AGAP1: variants seen among roughly 807,000 people sequenced by gnomAD.
The protein encoded by AGAP1 is arf-GAP with GTPase, ANK repeat and PH domain-containing protein 1.
Under a neutral mutation model 105.3 loss-of-function variants are expected in AGAP1, and 29 were observed. The observed-to-expected ratio is 0.28, with a 90% CI of 0.21 to 0.38. AGAP1 has a LOEUF of 0.38. Ranked by LOEUF, AGAP1 falls within the 10% of genes least tolerant of loss-of-function variation. The probability of loss-of-function intolerance (pLI) is 1.00; values close to 1 mark genes in which losing one functional copy is unlikely to be tolerated. For synonymous variants in AGAP1, 509 were observed against 485.9 expected (o/e 1.05, Z -0.63); for missense variants, 998 against 1,165.1 (o/e 0.86, Z 2.09).
chr2:235,975,740 T>G (rs2054833174), intron 13 of AGAP1, among the ~76,000 whole-genome samples: 1 of 152,216 alleles, frequency 6.6e-6, no homozygotes, highest in Non-Finnish European at 1.5e-5. Context: ...ACTGTCATTC[T>G]TCCCTCAGGT....
chr2:235,696,808 A>G (rs1327085870), intron 1 of AGAP1, among the ~76,000 whole-genome samples: 1 of 151,724 alleles, frequency 6.6e-6, no homozygotes, highest in African/African-American at 2.4e-5. Flanking sequence ...ACACAGTGAA[A>G]CCCCGTCTCT....
At chr2:235,794,878 C>T (rs1957171617) in intron 6 of AGAP1, among the ~76,000 whole-genome samples, 1 of 152,168 alleles carries the variant, frequency 6.6e-6, no homozygotes, top group South Asian at 2.1e-4. Context: ...CACACATTTA[C>T]ATTGAACATA....
In AGAP1 at chr2:235,900,281, A is replaced by C. The variant is rs2051004486; in HGVS notation, c.1156-8457A>C. 6.6e-6 allele frequency among the ~76,000 whole-genome samples: 1 copy of C among 152,196 alleles called. No homozygotes were observed. The highest frequency in any genetic ancestry group is 1.5e-5 in the Non-Finnish European group (1 of 68,046). On this transcript the variant is annotated intron_variant, in intron 10 of 17. Transcript: ENST00000304032. This position sits in a 1 kb window ranked among gnomAD's most constrained non-coding sequence, Gnocchi z 5.5. ...TGATTTCATCTTGATAGTCTGGGTC[A>C]GTCACTCCAGCCAACACTGTAACTT...
intron 1 of AGAP1, among the ~76,000 whole-genome samples, chr2:235,595,189 G>T (rs1432786802): frequency 6.6e-6 from 1 of 152,176 alleles, no homozygotes; most frequent in African/African-American, 2.4e-5. Flanking sequence ...GCCTCCAGGG[G>T]AAGGGGAGGA....
At chr2:235,619,318 T>TG (rs923446810) in intron 1 of AGAP1, among the ~76,000 whole-genome samples, 2 of 150,962 alleles carry the variant, frequency 1.3e-5, no homozygotes, top group Non-Finnish European at 3.0e-5. Context: ...CATCATGAAG[T>TG]GGGGGAGCTG....
chr2:236,049,875 A>G (rs2057844925), intron 16 of AGAP1: 1 of 152,600 alleles, frequency 6.6e-6, no homozygotes, highest in African/African-American at 2.4e-5. Flanking sequence ...TACAGCTATT[A>G]TAAACTGTTT....
intron 16 of AGAP1, among the ~76,000 whole-genome samples, chr2:236,088,764 A>G (rs1480216217): frequency 1.3e-5 from 2 of 152,220 alleles, no homozygotes; most frequent in African/African-American, 4.8e-5. Context: ...TTTATGCCAC[A>G]ATTGTAGCCC....
chr2:235,724,784 G>A lies in AGAP1; in HGVS notation c.310+7140G>A, dbSNP rs758161058. 3.4e-5 allele frequency among the ~76,000 whole-genome samples: 5 copies of A among 146,678 alleles called. No homozygotes were observed. The highest frequency in any genetic ancestry group is 7.6e-5 in the Non-Finnish European group (5 of 65,498). ...GACAGTTCCCTAACTCAGGAAAGTC[G>A]AGTTTCTGAGCATAAGTCATAGGAA... On this transcript the variant is annotated intron_variant, in intron 3 of 17. Coordinates refer to ENST00000304032, the MANE Select transcript of AGAP1 (RefSeq NM_001037131.3). This position sits in a 1 kb window ranked among gnomAD's most constrained non-coding sequence, Gnocchi z 4.9.
chr2:235,544,273 G>A (rs930144616), intron 1 of AGAP1, among the ~76,000 whole-genome samples: 3 of 152,136 alleles, frequency 2.0e-5, no homozygotes, highest in African/African-American at 7.2e-5. Flanking sequence ...TGGCAGGAAC[G>A]GAGCCAGCAG....
intron 1 of AGAP1, among the ~76,000 whole-genome samples, chr2:235,618,860 A>G (rs940933795): frequency 2.0e-5 from 3 of 152,196 alleles, no homozygotes; most frequent in African/African-American, 7.2e-5. Context: ...TTGGCAAAAG[A>G]AATTAAGTTA....
At chr2:235,844,908 T>C (rs1961296307) in intron 9 of AGAP1, among the ~76,000 whole-genome samples, 1 of 152,136 alleles carries the variant, frequency 6.6e-6, no homozygotes, top group Non-Finnish European at 1.5e-5. Flanking sequence ...AAGACAAACA[T>C]TGTAGCACCC....
At chr2:235,718,198 C>T (rs754089586) in intron 3 of AGAP1, among the ~76,000 whole-genome samples, 1 of 151,770 alleles carries the variant, frequency 6.6e-6, no homozygotes, top group Non-Finnish European at 1.5e-5. Flanking sequence ...TTATTTTTTG[C>T]CTTAAATAAA....
chr2:235,573,033 CTTCTTCTTCTTCTTCTTCTTCTTCTTCT>C (rs1354076177), intron 1 of AGAP1, among the ~76,000 whole-genome samples: 820 of 21,992 alleles, frequency 0.037, 2 homozygotes, highest in Admixed American at 0.062. Context: ...TCTTCTTCTT[CTTCTTCTTCTTCTTCTTCTTCTTCTTCT>C]TTCTTCTTTC....
chr2:235,575,868 CATTGA>C (rs1944715646), intron 1 of AGAP1, among the ~76,000 whole-genome samples: 1 of 152,098 alleles, frequency 6.6e-6, no homozygotes, highest in Non-Finnish European at 1.5e-5. Flanking sequence ...AGTCTGTCTC[CATTGA>C]ATTGTCTGCT....
intron 1 of AGAP1, among the ~76,000 whole-genome samples, chr2:235,698,311 G>A (rs898616988): frequency 6.6e-6 from 1 of 152,142 alleles, no homozygotes; most frequent in Non-Finnish European, 1.5e-5. Context: ...CAGCTGTGTG[G>A]CCCTGTTCCC....
At position 236,120,500 on chromosome 2, in the gene AGAP1, C is replaced by T; in HGVS notation, c.2370+53C>T. ...ACGGGGCCACAGGAGGCACTCTCTG[C>T]TTTGTTCTGCTTCCGTGGGCATCTT... On this transcript the variant is annotated intron_variant, in intron 17 of 17. Transcript: ENST00000304032. The surrounding 1 kb of genome is among the most constrained non-coding windows in gnomAD (Gnocchi z 6.0). The T allele has an allele frequency of 6.2e-7, 1 of 1,601,020 alleles. No individual in the cohort carries two copies.
At chr2:235,522,687 G>A (rs1331770297) in intron 1 of AGAP1, among the ~76,000 whole-genome samples, 2 of 152,218 alleles carry the variant, frequency 1.3e-5, no homozygotes, top group Non-Finnish European at 2.9e-5. Flanking sequence ...GAGGCTGAAA[G>A]TTGTGTGAAG....
chr2:235,822,819 C>A (rs919737544), intron 9 of AGAP1, among the ~76,000 whole-genome samples: 1 of 152,180 alleles, frequency 6.6e-6, no homozygotes, highest in Admixed American at 6.5e-5. Context: ...AGTTCTAGAA[C>A]TGAACAAGAG....
At position 235,889,289 on chromosome 2, in the gene AGAP1, A is replaced by C. The variant is rs10192764; in HGVS notation, c.1155+5840A>C. ...AAGCAGCCAGTCATGAAACTGGGGA[A>C]ACCTGACATTGCAGGACACCGTGGG... On this transcript the variant is annotated intron_variant, in intron 10 of 17. Transcript: ENST00000304032. This position sits in a 1 kb window ranked among gnomAD's most constrained non-coding sequence, Gnocchi z 4.6. 0.43 allele frequency among the ~76,000 whole-genome samples: 65,414 copies of C among 151,628 alleles called. 14,443 individuals carry two copies. The highest frequency in any genetic ancestry group is 0.73 in the South Asian group (3,512 of 4,798).
Sources: allele counts gnomAD v4.1 joint callset (sites outside exome capture counted in the v4.1 genomes callset), GRCh38; gene constraint gnomAD v4.1.1; non-coding constraint Gnocchi (gnomAD v3.1); transcripts MANE v1.5; gene names NCBI Gene and HGNC (gene_info 2026-07-23, HGNC 2026-07-21).